The following OPN3 variants were observed in gnomAD, a reference collection of about 807,000 sequenced individuals.
OPN3 encodes opsin-3.
In OPN3, 29 loss-of-function variants were observed where a neutral mutation model predicts 33.8. That is an observed-to-expected ratio of 0.86 (90% CI 0.64 to 1.17). OPN3 has a LOEUF of 1.17. Ranked by LOEUF, OPN3 falls within the 50% of genes most tolerant of loss-of-function variation. OPN3 has a pLI of 0.00. For synonymous variants in OPN3, 216 were observed against 216.1 expected, an observed-to-expected ratio of 1.00 and a Z score of 0.00; for missense variants, 437 against 514.1, an observed-to-expected ratio of 0.85 and a Z score of 1.45.
rs1284136127 is a variant in OPN3, at chr1:241,604,550, G to A, written c.403C>T (p.Leu135=). Residue 135 remains leucine, a synonymous_variant, in exon 2 of 4, where the codon CTG becomes TTG. Transcript: ENST00000366554. ...GIVSIATLTV[L]AYERYIRVVH... Reference sequence around the variant, plus strand: ...ACGCGAATGTAACGTTCATAGGCCAGCACGGTTAGGGTGGCAATGGAAACA... The same window carrying A: ...ACGCGAATGTAACGTTCATAGGCCAACACGGTTAGGGTGGCAATGGAAACA... 1 of 1,613,142 alleles carries A rather than the reference G, an allele frequency of 6.2e-7. No homozygotes were observed. Among genetic ancestry groups the A allele is most frequent in the African/African-American group, 1.3e-5 (1 of 75,010 alleles).
intron 1 of OPN3, among the ~76,000 whole-genome samples, chr1:241,627,580 G>C (rs138069090): frequency 6.6e-6 from 1 of 152,316 alleles, no homozygotes; most frequent in East Asian, 1.9e-4. Flanking sequence ...TGCTGGAGCA[G>C]AACTGTTGTC....
At chr1:241,636,460 C>T (rs1463071075) in intron 1 of OPN3, among the ~76,000 whole-genome samples, 1 of 152,204 alleles carries the variant, frequency 6.6e-6, no homozygotes, top group East Asian at 1.9e-4. Flanking sequence ...AAACTATGTG[C>T]ATACTGCCAT....
intron 1 of OPN3, chr1:241,633,315 A>T (rs531780167): frequency 6.2e-6 from 1 of 160,978 alleles, no homozygotes; most frequent in Admixed American, 5.8e-5. Context: ...CACCATGTCT[A>T]TACATTTATA....
At chr1:241,595,811 ATTTG>A (rs1459820413) in intron 3 of OPN3, among the ~76,000 whole-genome samples, 1 of 152,232 alleles carries the variant, frequency 6.6e-6, no homozygotes, top group African/African-American at 2.4e-5. Flanking sequence ...AAATAAAAAT[ATTTG>A]TTTGAGACTT....
At chr1:241,618,035 G>A (rs1193927975) in intron 1 of OPN3, among the ~76,000 whole-genome samples, 3 of 152,014 alleles carry the variant, frequency 2.0e-5, no homozygotes, top group Admixed American at 6.6e-5. Context: ...ATAAAAAAAA[G>A]AAGGTGGGAG....
In OPN3 at chr1:241,593,938, G is replaced by C. The variant is rs1379820123; in HGVS notation, c.*490C>G. 1 of 154,478 alleles carries C rather than the reference G, an allele frequency of 6.5e-6. No individual in the cohort carries two copies. Among genetic ancestry groups the C allele is most frequent in the Admixed American group, 6.3e-5 (1 of 15,750 alleles). 9.6% of individuals were successfully genotyped at this position (154,478 alleles called of 1,614,324 possible). ...AAAACGTCTTTTGTTTCCAACAAGA[G>C]GATTTTCTTTTTCATTCTAGAATTA... On this transcript the variant is annotated 3_prime_UTR_variant, in exon 4 of 4. Transcript: ENST00000366554.
Position 241,627,899 on chromosome 1 carries a change from CTT to C in OPN3, c.373+11981_373+11982del, listed in dbSNP as rs758351927. 6.0e-4 allele frequency among the ~76,000 whole-genome samples: 91 copies of C among 152,078 alleles called. 1 individual carries two copies. The highest frequency in any genetic ancestry group is 8.5e-4 in the Admixed American group (13 of 15,262). ...TAATCAGAATTTCTTGGTATTGAAA[CTT>C]TATGATCGAATTTCTTTATACTTCC... On this transcript the variant is annotated intron_variant, in intron 1 of 3. Coordinates refer to ENST00000366554, the MANE Select transcript of OPN3 (RefSeq NM_014322.3).
chr1:241,609,918 A>C (rs554035791), intron 1 of OPN3, among the ~76,000 whole-genome samples: 3 of 152,364 alleles, frequency 2.0e-5, no homozygotes, highest in South Asian at 2.1e-4. Context: ...GGTCCACAGC[A>C]GGGATAGTCC....
chr1:241,620,692 T>A (rs1664250454), intron 1 of OPN3, among the ~76,000 whole-genome samples: 1 of 152,216 alleles, frequency 6.6e-6, no homozygotes, highest in Non-Finnish European at 1.5e-5. Context: ...ATATGCAAAA[T>A]ATTATTTCAA....
intron 1 of OPN3, chr1:241,633,680 A>T (rs1664739291): frequency 3.9e-6 from 4 of 1,028,196 alleles, no homozygotes; most frequent in Non-Finnish European, 5.8e-6. Flanking sequence ...CAACATCTGC[A>T]TAGCATTCAT....
chr1:241,640,163 C>T lies in OPN3; in HGVS notation c.92G>A (p.Ser31Asn). ...AEGPAPAGTL[S>N]PAPLFSPGTY... is the part of the protein sequence containing the mutation. ...GCCGGGGCTGAAGAGGGGCGCGGGGCTCAGTGTCCCCGCCGGCGCCGGCCC... is the reference window on the plus strand; with the variant it reads ...GCCGGGGCTGAAGAGGGGCGCGGGGTTCAGTGTCCCCGCCGGCGCCGGCCC... The change falls in exon 1 of 4, where the codon AGC becomes AAC. Residue 31 changes from serine (S) to asparagine (N), a missense_variant. Physicochemically the swap from Ser to Asn is conservative, Grantham distance 46 (BLOSUM62 1). Coordinates refer to ENST00000366554, the MANE Select transcript of OPN3 (RefSeq NM_014322.3). The T allele has an allele frequency of 5.4e-6, 8 of 1,477,454 alleles. No individual in the cohort carries two copies. Among genetic ancestry groups the T allele is most frequent in the Non-Finnish European group, 7.2e-6 (8 of 1,117,546 alleles). The allele number at this position is 1,477,454 out of a possible 1,614,324, so 91.5% of individuals were successfully genotyped here. A position where few individuals can be genotyped will look rare whatever the true frequency, so the allele number is the denominator to read the frequency against.
At chr1:241,635,597 G>T (rs746250454) in intron 1 of OPN3, 6 of 1,613,944 alleles carry the variant, frequency 3.7e-6, no homozygotes, top group South Asian at 1.1e-5. Flanking sequence ...CTTCAACCAG[G>T]ATAGCAATCC....
intron 1 of OPN3, among the ~76,000 whole-genome samples, chr1:241,627,379 G>C (rs1002423788): frequency 6.6e-6 from 1 of 152,128 alleles, no homozygotes; most frequent in South Asian, 2.1e-4. Context: ...CAAGCAAAGC[G>C]AAACAGTAGC....
intron 2 of OPN3, chr1:241,600,858 A>C (rs1422753793): frequency 6.6e-6 from 1 of 152,140 alleles, no homozygotes; most frequent in East Asian, 1.9e-4. Flanking sequence ...CATAAGACCC[A>C]GTCTCTGCTC....
intron 1 of OPN3, chr1:241,633,723 A>AGT: frequency 6.6e-7 from 1 of 1,513,666 alleles, no homozygotes; most frequent in South Asian, 1.2e-5. Context: ...CTCATATGGG[A>AGT]AACTGTCCTT....
chr1:241,637,104 G>A (rs1012771394), intron 1 of OPN3, among the ~76,000 whole-genome samples: 2 of 152,208 alleles, frequency 1.3e-5, no homozygotes, highest in Non-Finnish European at 2.9e-5. Context: ...AAAGTCTTTA[G>A]GCTAAAGCAA....
At chr1:241,620,100 T>C (rs1194708797) in intron 1 of OPN3, among the ~76,000 whole-genome samples, 1 of 150,966 alleles carries the variant, frequency 6.6e-6, no homozygotes, top group Admixed American at 6.6e-5. Context: ...TGGGGCAGGG[T>C]TGGGGGTGGG....
intron 1 of OPN3, among the ~76,000 whole-genome samples, chr1:241,610,998 A>G (rs1358885949): frequency 1.3e-5 from 2 of 152,194 alleles, no homozygotes; most frequent in Non-Finnish European, 2.9e-5. Flanking sequence ...AGGTATTATT[A>G]TTATTACTGA....
rs1343359698 is a variant in OPN3 at position 241,640,321 on chromosome 1, G to A, written c.-67C>T. On this transcript the variant is annotated 5_prime_UTR_variant, in exon 1 of 4. Transcript: ENST00000366554. ...TGCGGCGGGGCTCGCGGCGCGCTCCGCACTGGGTGGGGTTGGGGCTCCGCC... is the reference window on the plus strand; with the variant it reads ...TGCGGCGGGGCTCGCGGCGCGCTCCACACTGGGTGGGGTTGGGGCTCCGCC... 4 of 1,092,558 alleles carry A rather than the reference G, an allele frequency of 3.7e-6. No homozygotes were observed. Among genetic ancestry groups the A allele is most frequent in the Non-Finnish European group, 1.1e-6 (1 of 902,662 alleles). The allele number at this position is 1,092,558 out of a possible 1,614,324, so 67.7% of individuals were successfully genotyped here.
Sources: gnomAD v4.1 joint callset for allele counts (sites outside exome capture counted in the v4.1 genomes callset) on GRCh38, gnomAD v4.1.1 for gene constraint, MANE v1.5 for transcripts, NCBI Gene and HGNC (gene_info 2026-07-23, HGNC 2026-07-21) for gene names.